Variants in IMPG2 observed in about 807,000 individuals in gnomAD.
IMPG2 encodes the protein interphotoreceptor matrix proteoglycan 2.
Under a neutral mutation model 129.2 loss-of-function variants are expected in IMPG2, and 91 were observed. That is an observed-to-expected ratio of 0.70 (90% CI 0.59 to 0.84). The LOEUF (loss-of-function observed/expected upper bound fraction) is 0.84, where lower values mean the gene tolerates loss of function less well. Ranked by LOEUF, IMPG2 falls within the 40% of genes least tolerant of loss-of-function variation. The pLI is 0.00. For synonymous variants in IMPG2, 510 were observed against 517.7 expected, an observed-to-expected ratio of 0.99 and a Z score of 0.20; for missense variants, 1,430 against 1,461.7, an observed-to-expected ratio of 0.98 and a Z score of 0.35.
In IMPG2 at chr3:101,244,168, A is replaced by C; in HGVS notation, c.2163T>G (p.Pro721=). ...AGATTGCTACAGATGTCAGTATAAG[A>C]GGTGCTTTGGTAACTGAGTAATCAT... The part of the protein sequence containing the change: ...GVDDYSVTKA[P]LILTSVAISA... The change falls in exon 13 of 19, where the codon CCT becomes CCG. Residue 721 remains proline (P), a synonymous_variant. Coordinates refer to ENST00000193391, the MANE Select transcript of IMPG2 (RefSeq NM_016247.4). 6.2e-7 allele frequency: 1 copy of C among 1,614,068 alleles called. No individual in the cohort carries two copies. Among genetic ancestry groups the C allele is most frequent in the Non-Finnish European group, 8.5e-7 (1 of 1,179,990 alleles).
At chr3:101,251,609 T>C (rs148837426) in intron 11 of IMPG2, among the ~76,000 whole-genome samples, 174 of 152,290 alleles carry the variant, frequency 1.1e-3, no homozygotes, top group African/African-American at 3.8e-3. Context: ...GAAAAGTTTG[T>C]TAGTCCTAAA....
rs999711542 is a variant in IMPG2 at position 101,278,411 on chromosome 3, C to G, written c.534-1698G>C. Among the ~76,000 whole-genome samples, 5 of 152,136 alleles carry G rather than the reference C, an allele frequency of 3.3e-5. No individual in the cohort carries two copies. In the East Asian group the frequency reaches 9.6e-4, roughly 29 times the overall value. The stretch of plus-strand genomic sequence containing the variant: ...CAACCTACTGCTCTAAAGTAGATTA[C>G]AGAGGTACTCAAAGCCTGGAGATAA... On this transcript the variant is annotated intron_variant, in intron 4 of 18. Coordinates refer to ENST00000193391, the MANE Select transcript of IMPG2 (RefSeq NM_016247.4).
chr3:101,251,078 C>T (rs1319148324), intron 11 of IMPG2, among the ~76,000 whole-genome samples: 2 of 152,012 alleles, frequency 1.3e-5, no homozygotes, highest in Non-Finnish European at 2.9e-5. Flanking sequence ...TCCAAATGTA[C>T]CTTAAAAAAA....
chr3:101,310,947 T>C (rs527515748), intron 2 of IMPG2, among the ~76,000 whole-genome samples: 2 of 152,278 alleles, frequency 1.3e-5, no homozygotes, highest in South Asian at 2.1e-4. Context: ...AAATACTCCA[T>C]AGAAATTCAT....
rs1163735495 is a variant in IMPG2 at position 101,238,831 on chromosome 3, C to A, written c.3022+3857G>T. On this transcript the variant is annotated intron_variant, in intron 14 of 18. Coordinates refer to ENST00000193391, the MANE Select transcript of IMPG2 (RefSeq NM_016247.4). ...ATCTACTAACGGGCAAAATAACCAGCTAGCATCATACTGACAGGATCAAAT... is the reference window on the plus strand; with the variant it reads ...ATCTACTAACGGGCAAAATAACCAGATAGCATCATACTGACAGGATCAAAT... Among the ~76,000 whole-genome samples the A allele has an allele frequency of 2.6e-5, 4 of 152,168 alleles. No individual in the cohort carries two copies. The South Asian group carries it at 8.3e-4, about 32-fold the overall frequency.
intron 4 of IMPG2, among the ~76,000 whole-genome samples, chr3:101,286,208 C>T (rs931708687): frequency 6.6e-6 from 1 of 152,052 alleles, no homozygotes; most frequent in Admixed American, 6.6e-5. Context: ...ATAACTAATA[C>T]ATTAGTATTA....
intron 2 of IMPG2, among the ~76,000 whole-genome samples, chr3:101,311,264 G>C (rs1431809683): frequency 6.6e-6 from 1 of 150,992 alleles, no homozygotes; most frequent in East Asian, 1.9e-4. Context: ...AATTGGAAAA[G>C]ATGTAAAACT....
At chr3:101,242,622 G>C (rs1265795228) in intron 14 of IMPG2, 66 bp downstream of exon 14, 4 of 1,204,972 alleles carry the variant, frequency 3.3e-6, no homozygotes, top group Non-Finnish European at 3.7e-6. Context: ...ATGCAATGAG[G>C]AAGAAAACAC....
At chr3:101,240,536 T>C (rs569811249) in intron 14 of IMPG2, among the ~76,000 whole-genome samples, 1 of 152,320 alleles carries the variant, frequency 6.6e-6, no homozygotes, top group African/African-American at 2.4e-5. Context: ...ATGCTTAGAA[T>C]AGTCTCATAA....
At chr3:101,299,669 T>G (rs905167434) in intron 3 of IMPG2, among the ~76,000 whole-genome samples, 3 of 152,216 alleles carry the variant, frequency 2.0e-5, no homozygotes, top group Non-Finnish European at 4.4e-5. Flanking sequence ...GTAGGGCTGC[T>G]GCAGTTTGCT....
At chr3:101,233,043 G>C in intron 14 of IMPG2, 52 bp from the exon 15 acceptor site, 1 of 1,536,794 alleles carries the variant, frequency 6.5e-7, no homozygotes, top group Non-Finnish European at 9.0e-7. Context: ...ACAGAAACTG[G>C]GGTATACAAA....
chr3:101,291,982 C>T (rs1448206369), intron 3 of IMPG2, among the ~76,000 whole-genome samples: 1 of 152,066 alleles, frequency 6.6e-6, no homozygotes, highest in African/African-American at 2.4e-5. Flanking sequence ...TTGGATTATT[C>T]CCCAGGGGCA....
At chr3:101,285,430 G>A (rs569769025) in intron 4 of IMPG2, among the ~76,000 whole-genome samples, 115 of 152,312 alleles carry the variant, frequency 7.6e-4, no homozygotes, top group African/African-American at 2.4e-3. Context: ...ATCATTTGAT[G>A]TTTTCCTAAA....
chr3:101,272,858 G>GA (rs1706800775), intron 7 of IMPG2, among the ~76,000 whole-genome samples: 1 of 152,164 alleles, frequency 6.6e-6, no homozygotes, highest in African/African-American at 2.4e-5. Flanking sequence ...GAAGGAATGG[G>GA]AAAAAATAAA....
chr3:101,258,200 A>G (rs1271999970), intron 9 of IMPG2, among the ~76,000 whole-genome samples: 1 of 152,152 alleles, frequency 6.6e-6, no homozygotes, highest in East Asian at 1.9e-4. Context: ...TTGTTGTTAG[A>G]CAAATTATGT....
At chr3:101,308,717 T>C (rs1707231419) in intron 2 of IMPG2, among the ~76,000 whole-genome samples, 1 of 152,260 alleles carries the variant, frequency 6.6e-6, no homozygotes, top group African/African-American at 2.4e-5. Flanking sequence ...TTATTACTAC[T>C]TATGCAAATT....
intron 14 of IMPG2, among the ~76,000 whole-genome samples, chr3:101,236,914 T>C (rs554796348): frequency 6.6e-6 from 1 of 152,258 alleles, no homozygotes; most frequent in African/African-American, 2.4e-5. Context: ...AGCCAAGTGG[T>C]CTAGCTCAGC....
At position 101,224,162 on chromosome 3, in the gene IMPG2, A is replaced by G. The variant is rs1312304015; in HGVS notation, c.*2807T>C. The stretch of plus-strand genomic sequence containing the variant: ...TCCATCTCAAATAATAATAGTGATA[A>G]AAATGGGACTTCAGGCCACATAAAC... On this transcript the variant is annotated 3_prime_UTR_variant, in exon 19 of 19. Coordinates refer to ENST00000193391, the MANE Select transcript of IMPG2 (RefSeq NM_016247.4). 3.9e-5 allele frequency: 6 copies of G among 152,178 alleles called. No individual in the cohort carries two copies. The highest frequency in any genetic ancestry group is 1.4e-4 in the African/African-American group (6 of 41,444). 9.4% of individuals were successfully genotyped at this position (152,178 alleles called of 1,614,324 possible).
At chr3:101,250,322 T>C (rs148525229) in intron 11 of IMPG2, among the ~76,000 whole-genome samples, 183 of 152,252 alleles carry the variant, frequency 1.2e-3, no homozygotes, top group African/African-American at 4.2e-3. Context: ...GTCCAGAAAG[T>C]GAAAGGCAAA....
Sources: allele counts gnomAD v4.1 joint callset (sites outside exome capture counted in the v4.1 genomes callset), GRCh38; gene constraint gnomAD v4.1.1; transcripts MANE v1.5; gene names NCBI Gene and HGNC (gene_info 2026-07-23, HGNC 2026-07-21).